Variants in MCUR1 observed in about 807,000 individuals in gnomAD.
The protein encoded by MCUR1 is mitochondrial calcium uniporter regulator 1.
MCUR1 carries 37 observed loss-of-function variants against 42.0 expected under a neutral mutation model. That is an observed-to-expected ratio of 0.88 (90% confidence interval 0.68 to 1.16). The LOEUF (loss-of-function observed/expected upper bound fraction) is 1.16, where lower values mean the gene tolerates loss of function less well. Ranked by LOEUF, MCUR1 falls within the 50% of genes most tolerant of loss-of-function variation. The pLI is 0.00. For synonymous variants in MCUR1, 229 were observed against 196.2 expected, an observed-to-expected ratio of 1.17 and a Z score of -1.40; for missense variants, 469 against 468.4, an observed-to-expected ratio of 1.00 and a Z score of -0.01.
intron 7 of MCUR1, among the ~76,000 whole-genome samples, 185 bp from the exon 8 acceptor site, chr6:13,792,177 T>C (rs930677400): frequency 6.6e-6 from 1 of 152,228 alleles, no homozygotes; most frequent in Non-Finnish European, 1.5e-5. Context: ...TTAACCTCTC[T>C]AGGCCTTAGT....
Position 13,789,050 on chromosome 6 carries a change from G to A in MCUR1, c.*1759C>T, listed in dbSNP as rs1440330761. 6.6e-6 allele frequency: 1 copy of A among 152,226 alleles called. No homozygotes were observed. Among genetic ancestry groups the A allele is most frequent in the African/African-American group, 2.4e-5 (1 of 41,462 alleles). 9.4% of individuals were successfully genotyped at this position (152,226 alleles called of 1,614,324 possible). On this transcript the variant is annotated 3_prime_UTR_variant, in exon 9 of 9. Transcript: ENST00000379170. ...TTCACTGTATGTGTGTGCAGAGAAA[G>A]GCAGAAAAGCTTCTATCCATGTCAT... is the stretch of plus-strand genomic sequence containing the variant.
intron 6 of MCUR1, among the ~76,000 whole-genome samples, chr6:13,794,488 G>A (rs1047473631): frequency 9.9e-5 from 15 of 152,156 alleles, no homozygotes; most frequent in South Asian, 4.1e-4. Context: ...AGCAAAACAC[G>A]TCACTACTTG....
intron 7 of MCUR1, among the ~76,000 whole-genome samples, chr6:13,792,311 C>T (rs1003182521): frequency 5.3e-5 from 8 of 152,190 alleles, no homozygotes; most frequent in Admixed American, 1.3e-4. Flanking sequence ...TTTGTAAGCT[C>T]TAGGTTGCTA....
At chr6:13,799,515 C>T (rs1731684928) in intron 5 of MCUR1, among the ~76,000 whole-genome samples, 1 of 152,152 alleles carries the variant, frequency 6.6e-6, no homozygotes, top group Admixed American at 6.5e-5. Flanking sequence ...ACTCCTCATA[C>T]AATCTCCGAA....
In MCUR1 at chr6:13,797,665, A is replaced by G. The variant is rs190869905; in HGVS notation, c.855+1168T>C. Among the ~76,000 whole-genome samples the G allele has an allele frequency of 5.7e-4, 86 of 151,294 alleles. 2 individuals carry two copies. The highest frequency in any genetic ancestry group is 1.1e-3 in the Non-Finnish European group (75 of 67,824). On this transcript the variant is annotated intron_variant, in intron 6 of 8. Transcript: ENST00000379170. Reference sequence around the variant, plus strand: ...GAAGCTTGCAGTGAGCTGAGATCACACCACTGCACTCCAGCCTGGGTGACA... The same window carrying G: ...GAAGCTTGCAGTGAGCTGAGATCACGCCACTGCACTCCAGCCTGGGTGACA...
chr6:13,800,157 A>G (rs1293346901), intron 5 of MCUR1, among the ~76,000 whole-genome samples, 184 bp downstream of exon 5: 1 of 152,166 alleles, frequency 6.6e-6, no homozygotes, highest in Non-Finnish European at 1.5e-5. Flanking sequence ...ATATGGTTAC[A>G]GACAACAGTA....
Position 13,802,332 on chromosome 6 carries a change from G to A in MCUR1, c.550C>T (p.Gln184Ter). The stretch of plus-strand genomic sequence containing the variant: ...AATGCAGACACAATGATTTCTGCTT[G>A]TTGAGTAGCAAACCCTAAGCAAGCA... ...LLEDNGFATQ[Q>*]AEIIVSALVK... is the part of the protein sequence containing the mutation. The change falls in exon 3 of 9, where the codon CAA becomes TAA. Residue 184 changes from glutamine (Q) to a stop codon, truncating the protein, a stop_gained. Coordinates refer to ENST00000379170, the MANE Select transcript of MCUR1 (RefSeq NM_001031713.4). LOFTEE classifies it high-confidence loss of function. The A allele has an allele frequency of 1.2e-6, 2 of 1,613,426 alleles. No homozygotes were observed. Among genetic ancestry groups the A allele is most frequent in the African/African-American group, 1.3e-5 (1 of 75,012 alleles).
At chr6:13,804,852 A>AT (rs1308996356) in intron 2 of MCUR1, among the ~76,000 whole-genome samples, 1 of 151,878 alleles carries the variant, frequency 6.6e-6, no homozygotes, top group African/African-American at 2.4e-5. Flanking sequence ...TGAGGCAGAA[A>AT]TTAATTTTTT....
At chr6:13,799,827 C>CTTTTTTTTTTTTTTTTTTTTTTTTTTTT (rs542304036) in intron 5 of MCUR1, among the ~76,000 whole-genome samples, 1 of 96,212 alleles carries the variant, frequency 1.0e-5, no homozygotes, top group Non-Finnish European at 2.0e-5. Flanking sequence ...ACACAATTTT[C>CTTTTTTTTTTTTTTTTTTTTTTTTTTTT]TTTTTTTTTT....
chr6:13,798,767 G>T, intron 6 of MCUR1, 66 bp downstream of exon 6: 1 of 1,246,732 alleles, frequency 8.0e-7, no homozygotes, highest in Non-Finnish European at 1.2e-6. Flanking sequence ...ATAAACTTAG[G>T]CTTAACCAAG....
At position 13,814,230 on chromosome 6, in the gene MCUR1, G is replaced by T. The variant is rs1410764529; in HGVS notation, c.200C>A (p.Ser67Ter). Reference sequence around the variant, plus strand: ...CACTAGCAGGAGGAGGAGCAGCGGTGAGGCACGTGACACGCCGCCGCGGGC... The same window carrying T: ...CACTAGCAGGAGGAGGAGCAGCGGTTAGGCACGTGACACGCCGCCGCGGGC... Reference protein sequence around the residue: ...PAARGGVSRASPLLLLLLVPS... With the variant: ...PAARGGVSRA Residue 67 changes from serine (S) to a stop codon, truncating the protein, a stop_gained, in exon 1 of 9, where the codon TCA becomes TAA. Coordinates refer to ENST00000379170, the MANE Select transcript of MCUR1 (RefSeq NM_001031713.4). LOFTEE classifies it high-confidence loss of function. The T allele has an allele frequency of 8.2e-6, 12 of 1,466,298 alleles. No individual in the cohort carries two copies. In the Admixed American group the frequency reaches 3.0e-4, roughly 37 times the overall value. 90.8% of individuals were successfully genotyped at this position (1,466,298 alleles called of 1,614,324 possible). A position where few individuals can be genotyped will look rare whatever the true frequency, so the allele number is the denominator to read the frequency against.
chr6:13,798,320 G>A (rs1158170401), intron 6 of MCUR1, among the ~76,000 whole-genome samples: 3 of 151,974 alleles, frequency 2.0e-5, no homozygotes, highest in East Asian at 3.9e-4. Flanking sequence ...ACGCTGCCTC[G>A]AACTCCTGAC....
rs778059512 is a variant in MCUR1 at position 13,793,928 on chromosome 6, T to C, written c.875A>G (p.Lys292Arg). 6.2e-7 allele frequency: 1 copy of C among 1,613,774 alleles called. No individual in the cohort carries two copies. Among genetic ancestry groups the C allele is most frequent in the African/African-American group, 1.3e-5 (1 of 75,054 alleles). Residue 292 changes from lysine (K) to arginine (R), a missense_variant, in exon 7 of 9, where the codon AAG (lysine) becomes AGG (arginine). Coordinates refer to ENST00000379170, the MANE Select transcript of MCUR1 (RefSeq NM_001031713.4). ...VKELYSLNEK[K>R]LLELRTEIVA... is the part of the protein sequence containing the mutation. ...TATTTCTGTTCTCAATTCCAGCAGC[T>C]TCTTTTCGTTCAATGAATACTGAAA... is the stretch of plus-strand genomic sequence containing the variant.
chr6:13,801,459 G>A lies in MCUR1; in HGVS notation c.640-70C>T. On this transcript the variant is annotated intron_variant, in intron 3 of 8. Coordinates refer to ENST00000379170, the MANE Select transcript of MCUR1 (RefSeq NM_001031713.4). ...AGTCCACTTCCTATCATCTCAATGT[G>A]CTATCTTCTTATTGAGAAACCAGGA... The A allele has an allele frequency of 2.9e-6, 3 of 1,036,498 alleles. No individual in the cohort carries two copies. In the South Asian group the frequency reaches 4.1e-5, roughly 14 times the overall value. 64.2% of individuals were successfully genotyped at this position (1,036,498 alleles called of 1,614,324 possible).
In MCUR1 at chr6:13,790,077, G is replaced by C. The variant is rs1026117794; in HGVS notation, c.*732C>G. ...GCTCATGTTAAAGACTGGTTATTTA[G>C]GTAAAGAGGATCTGGTGCTCTTGGT... On this transcript the variant is annotated 3_prime_UTR_variant, in exon 9 of 9. Coordinates refer to ENST00000379170, the MANE Select transcript of MCUR1 (RefSeq NM_001031713.4). 6.6e-6 allele frequency: 1 copy of C among 152,204 alleles called. No individual in the cohort carries two copies. The highest frequency in any genetic ancestry group is 1.5e-5 in the Non-Finnish European group (1 of 68,048). 9.4% of individuals were successfully genotyped at this position (152,204 alleles called of 1,614,324 possible). A position where few individuals can be genotyped will look rare whatever the true frequency, so the allele number is the denominator to read the frequency against.
At chr6:13,792,340 A>G (rs962053969) in intron 7 of MCUR1, among the ~76,000 whole-genome samples, 1 of 152,352 alleles carries the variant, frequency 6.6e-6, no homozygotes, top group South Asian at 2.1e-4. Flanking sequence ...ATGTGGTATT[A>G]TGAGGCCAGT....
Position 13,798,901 on chromosome 6 carries a change from C to A in MCUR1, c.787G>T (p.Glu263Ter), listed in dbSNP as rs1390341150. 1 of 1,579,784 alleles carries A rather than the reference C, an allele frequency of 6.3e-7. No individual in the cohort carries two copies. Among genetic ancestry groups the A allele is most frequent in the Non-Finnish European group, 8.7e-7 (1 of 1,149,942 alleles). Residue 263 changes from glutamate to a stop codon, truncating the protein, a stop_gained, in exon 6 of 9, where the codon GAA becomes TAA. Transcript: ENST00000379170. LOFTEE classifies it high-confidence loss of function. ...GTATCTGTTCGGACTTTGATCACTT[C>A]ATCCTAAAAGGAGGGCAAACAACAA... is the stretch of plus-strand genomic sequence containing the variant. ...LHQLKQQVMD[E>*]VIKVRTDTKL...
intron 2 of MCUR1, among the ~76,000 whole-genome samples, chr6:13,805,611 C>T (rs749589410): frequency 9.2e-5 from 14 of 152,208 alleles, no homozygotes; most frequent in Non-Finnish European, 1.9e-4. Context: ...CTGTCTCCCA[C>T]AAAGCACAGA....
intron 2 of MCUR1, among the ~76,000 whole-genome samples, chr6:13,805,072 C>T (rs2113472788): frequency 6.6e-6 from 1 of 152,228 alleles, no homozygotes; most frequent in South Asian, 2.1e-4. Context: ...TGCAGTGTGG[C>T]CCTCACACCA....
Sources: gnomAD v4.1 joint callset for allele counts (sites outside exome capture counted in the v4.1 genomes callset) on GRCh38, gnomAD v4.1.1 for gene constraint, MANE v1.5 for transcripts, NCBI Gene and HGNC (gene_info 2026-07-23, HGNC 2026-07-21) for gene names.